The following AK8 variants were observed in gnomAD, a reference collection of about 807,000 sequenced individuals.
AK8 encodes ATP-AMP transphosphorylase 8.
Under a neutral mutation model 54.6 loss-of-function variants are expected in AK8, and 44 were observed. The observed-to-expected ratio is 0.81, with a 90% confidence interval of 0.63 to 1.04. The LOEUF (loss-of-function observed/expected upper bound fraction) is 1.04. AK8 is among the 50% of genes least tolerant of loss of function. The pLI, the probability that AK8 is intolerant of heterozygous loss-of-function variation, is 0.00. For synonymous variants in AK8, 239 were observed against 245.6 expected (o/e 0.97, Z 0.25); for missense variants, 555 against 613.6 (o/e 0.90, Z 1.01).
At chr9:132,862,318 C>T (rs1446690691) in intron 4 of AK8, among the ~76,000 whole-genome samples, 6 of 151,850 alleles carry the variant, frequency 4.0e-5, no homozygotes, top group African/African-American at 1.5e-4. Context: ...AAGTCACACC[C>T]CTTTCTCTCT....
At chr9:132,812,528 C>CATGCCCACTGGGATGACGG (rs1394248296) in intron 10 of AK8, among the ~76,000 whole-genome samples, 3 of 146,904 alleles carry the variant, frequency 2.0e-5, no homozygotes, top group East Asian at 3.8e-4. Flanking sequence ...GGTGAGCTAC[C>CATGCCCACTGGGATGACGG]GTGCCCACTG....
At chr9:132,753,635 A>G (rs2131025812) in intron 11 of AK8, among the ~76,000 whole-genome samples, 2 of 152,282 alleles carry the variant, frequency 1.3e-5, no homozygotes, top group Middle Eastern at 6.8e-3. Context: ...TCCTTGCTGG[A>G]GGGTATGGGT....
chr9:132,796,435 C>T (rs186968682), intron 10 of AK8, among the ~76,000 whole-genome samples: 2 of 152,246 alleles, frequency 1.3e-5, no homozygotes, highest in Non-Finnish European at 2.9e-5. Context: ...CCCAGCAATC[C>T]TATTTCTAAG....
intron 5 of AK8, among the ~76,000 whole-genome samples, chr9:132,840,445 CACAA>C (rs976633551): frequency 3.5e-5 from 5 of 142,516 alleles, no homozygotes; most frequent in African/African-American, 7.7e-5. Flanking sequence ...CACACACACA[CACAA>C]GGCAAGTGAA....
At chr9:132,878,399 C>T (rs777656925), upstream of AK8, 80 of 1,241,988 alleles carry the variant, frequency 6.4e-5, no homozygotes, top group Non-Finnish European at 7.9e-5. The surrounding 1 kb of genome is among the most constrained non-coding windows in gnomAD (Gnocchi z 4.7). Flanking sequence ...GGGTCGCCCC[C>T]GCCCCGACCT....
At position 132,871,352 on chromosome 9, in the gene AK8, C is replaced by T. The variant is rs541815140; in HGVS notation, c.169+3763G>A. Among the ~76,000 whole-genome samples the T allele has an allele frequency of 3.9e-5, 6 of 152,334 alleles. No homozygotes were observed. In the East Asian group the frequency reaches 7.7e-4, roughly 20 times the overall value. ...TTCCCATTTTTGCTTCACTTGTCCACAGAGGCGTGGGCAAAGAGAGAGAAA... is the reference window on the plus strand; with the variant it reads ...TTCCCATTTTTGCTTCACTTGTCCATAGAGGCGTGGGCAAAGAGAGAGAAA... On this transcript the variant is annotated intron_variant, in intron 2 of 12. Transcript: ENST00000298545.
rs1841888690 is a variant in AK8, at chr9:132,826,858, G to T, written c.753C>A (p.Tyr251Ter). Residue 251 changes from tyrosine (Y) to a stop codon, truncating the protein, a stop_gained, in exon 8 of 13, where the codon TAC (tyrosine) becomes TAA (stop). Transcript: ENST00000298545. LOFTEE classifies it high-confidence loss of function. The surrounding 1 kb of genome is among the most constrained non-coding windows in gnomAD (Gnocchi z 4.5). ...GGGCTGCCTGCTTGTGTTTACCCTG[G>T]TAGAAGACGTCCACACATGGCTGGT... ...SADQPCVDVF[Y>*]QALTYVQSNH... is the part of the protein sequence containing the mutation. 1.2e-6 allele frequency: 2 copies of T among 1,614,096 alleles called. No homozygotes were observed. Among genetic ancestry groups the T allele is most frequent in the African/African-American group, 2.7e-5 (2 of 74,934 alleles).
At chr9:132,877,002 G>A (rs568189159) in intron 1 of AK8, among the ~76,000 whole-genome samples, 8 of 152,290 alleles carry the variant, frequency 5.3e-5, no homozygotes, top group Non-Finnish European at 1.0e-4. Flanking sequence ...GGAGTTCAAG[G>A]CTGCAGTAAG....
chr9:132,877,251 T>G (rs566588064), intron 1 of AK8, among the ~76,000 whole-genome samples: 1 of 152,346 alleles, frequency 6.6e-6, no homozygotes, highest in South Asian at 2.1e-4. Context: ...TCTCTTGCTC[T>G]CCCTCTATCA....
chr9:132,760,635 G>A (rs1838412627), intron 11 of AK8, among the ~76,000 whole-genome samples: 5 of 152,012 alleles, frequency 3.3e-5, no homozygotes. Context: ...ATGATGATGG[G>A]GGAATCCTTG....
chr9:132,743,845 G>A (rs1837511253), intron 11 of AK8, among the ~76,000 whole-genome samples: 1 of 152,220 alleles, frequency 6.6e-6, no homozygotes, highest in Non-Finnish European at 1.5e-5. Context: ...GCTCTGAGAG[G>A]TGAAGTGTTG....
At chr9:132,824,542 G>A (rs1841794873) in intron 8 of AK8, among the ~76,000 whole-genome samples, 2 of 152,178 alleles carry the variant, frequency 1.3e-5, no homozygotes, top group South Asian at 4.1e-4. Context: ...GCTATTCTGG[G>A]CACTGTAGGA....
At chr9:132,771,330 G>C (rs1016086846) in intron 11 of AK8, among the ~76,000 whole-genome samples, 6 of 152,210 alleles carry the variant, frequency 3.9e-5, no homozygotes, top group Non-Finnish European at 8.8e-5. Context: ...TGGTGGTCAG[G>C]CTTACACTGT....
chr9:132,736,972 G>C (rs1327819968), intron 11 of AK8, among the ~76,000 whole-genome samples: 1 of 152,044 alleles, frequency 6.6e-6, no homozygotes, highest in African/African-American at 2.4e-5. Flanking sequence ...CAGGGGCAGG[G>C]GGAAGGGGAA....
intron 4 of AK8, among the ~76,000 whole-genome samples, chr9:132,856,276 G>C (rs992590458): frequency 2.0e-5 from 3 of 152,160 alleles, no homozygotes; most frequent in Admixed American, 1.3e-4. Context: ...GCAGAGACTC[G>C]GACTTGGCAT....
chr9:132,726,904 T>C (rs570343337), intron 12 of AK8, among the ~76,000 whole-genome samples: 30 of 118,890 alleles, frequency 2.5e-4, no homozygotes, highest in Admixed American at 1.3e-3. Context: ...CCTGCGTCCC[T>C]ACCAAGAAAT....
In AK8 at chr9:132,799,355, C is replaced by T. The variant is rs1281508357; in HGVS notation, c.980-6580G>A. Among the ~76,000 whole-genome samples the T allele has an allele frequency of 1.3e-5, 2 of 152,104 alleles. No homozygotes were observed. Among genetic ancestry groups the T allele is most frequent in the Non-Finnish European group, 2.9e-5 (2 of 68,006 alleles). On this transcript the variant is annotated intron_variant, in intron 10 of 12. Coordinates refer to ENST00000298545, the MANE Select transcript of AK8 (RefSeq NM_152572.3). This position sits in a 1 kb window ranked among gnomAD's most constrained non-coding sequence, Gnocchi z 5.0. Reference sequence around the variant, plus strand: ...CAGTGGCTTAAAGATAAAAAACATGCTAAGGTTGATTGCTAGACTCACGAC... The same window carrying T: ...CAGTGGCTTAAAGATAAAAAACATGTTAAGGTTGATTGCTAGACTCACGAC...
At chr9:132,796,913 C>T (rs1044774190) in intron 10 of AK8, among the ~76,000 whole-genome samples, 1 of 151,942 alleles carries the variant, frequency 6.6e-6, no homozygotes. Flanking sequence ...AGAGGGCACC[C>T]GGATGTAATG....
chr9:132,797,173 T>C (rs1387460666), intron 10 of AK8, among the ~76,000 whole-genome samples: 1 of 152,104 alleles, frequency 6.6e-6, no homozygotes, highest in Non-Finnish European at 1.5e-5. Context: ...ATCCACTTAA[T>C]ACCTGCATTC....
Sources: gnomAD v4.1 joint callset for allele counts (sites outside exome capture counted in the v4.1 genomes callset) on GRCh38, gnomAD v4.1.1 for gene constraint, Gnocchi (gnomAD v3.1) non-coding constraint, MANE v1.5 for transcripts, NCBI Gene and HGNC (gene_info 2026-07-23, HGNC 2026-07-21) for gene names.